GRAMD1B: variants seen among roughly 807,000 people sequenced by gnomAD.
GRAMD1B encodes the protein GRAM domain containing 1B.
Under a neutral mutation model 99.7 loss-of-function variants are expected in GRAMD1B, and 37 were observed. The observed-to-expected ratio is 0.37, with a 90% CI of 0.29 to 0.49. The LOEUF (loss-of-function observed/expected upper bound fraction) is 0.49, where lower values mean the gene tolerates loss of function less well. GRAMD1B is among the 20% of genes least tolerant of loss of function. The pLI is 0.98. For missense variants in GRAMD1B, 888 were observed against 1,009.2 expected, an observed-to-expected ratio of 0.88 and a Z score of 1.63; for synonymous variants, 427 against 387.6, an observed-to-expected ratio of 1.10 and a Z score of -1.19.
chr11:123,362,162 G>A (rs1946166613), intron 1 of GRAMD1B, among the ~76,000 whole-genome samples: 1 of 152,204 alleles, frequency 6.6e-6, no homozygotes, highest in Admixed American at 6.5e-5. Context: ...TCCACAGTAG[G>A]GGAGAGGAAT....
At chr11:123,526,850 T>C (rs1942821918) in intron 2 of GRAMD1B, among the ~76,000 whole-genome samples, 1 of 151,340 alleles carries the variant, frequency 6.6e-6, no homozygotes, top group Non-Finnish European at 1.5e-5. Context: ...GTAGTCAGAA[T>C]ATTTTTACCT....
chr11:123,475,722 G>A (rs906130994), intron 1 of GRAMD1B, among the ~76,000 whole-genome samples: 2 of 152,152 alleles, frequency 1.3e-5, no homozygotes, highest in African/African-American at 4.8e-5. Context: ...CCCTCTGCTG[G>A]ACTTTCTCCA....
At chr11:123,399,071 T>C (rs1219110240) in intron 1 of GRAMD1B, among the ~76,000 whole-genome samples, 1 of 152,236 alleles carries the variant, frequency 6.6e-6, no homozygotes, top group Non-Finnish European at 1.5e-5. Context: ...TTTGTACACC[T>C]TGACTTATAC....
chr11:123,423,527 C>T (rs567543381), intron 1 of GRAMD1B, among the ~76,000 whole-genome samples: 2 of 152,298 alleles, frequency 1.3e-5, no homozygotes, highest in African/African-American at 2.4e-5. Flanking sequence ...TCTAATCTTG[C>T]AGCTTCCATT....
chr11:123,529,277 T>C (rs1943112900), intron 2 of GRAMD1B, among the ~76,000 whole-genome samples: 1 of 152,156 alleles, frequency 6.6e-6, no homozygotes, highest in Non-Finnish European at 1.5e-5. Flanking sequence ...AGGAGTCTTA[T>C]TGGAGTAATT....
intron 2 of GRAMD1B, among the ~76,000 whole-genome samples, chr11:123,483,242 G>A (rs1310670037): frequency 6.6e-6 from 1 of 152,106 alleles, no homozygotes; most frequent in East Asian, 1.9e-4. Flanking sequence ...ACTAACGGGT[G>A]GGGCATGTAT....
intron 1 of GRAMD1B, chr11:123,435,371 TTTTCATTATTTG>T (rs989712284): frequency 1.4e-5 from 10 of 695,000 alleles, no homozygotes; most frequent in African/African-American, 3.5e-5. Flanking sequence ...AATTTTTGTT[TTTTCATTATTTG>T]TTTCATTATT....
chr11:123,368,476 T>C (rs1292243001), intron 1 of GRAMD1B, among the ~76,000 whole-genome samples: 1 of 147,960 alleles, frequency 6.8e-6, no homozygotes, highest in South Asian at 2.1e-4. Flanking sequence ...AGGCCAGGAG[T>C]TTGAGACCAG....
chr11:123,515,693 C>T (rs1420930654), intron 2 of GRAMD1B, among the ~76,000 whole-genome samples: 1 of 152,140 alleles, frequency 6.6e-6, no homozygotes, highest in Non-Finnish European at 1.5e-5. Flanking sequence ...AAACATAGAA[C>T]TACCACCACT....
chr11:123,620,857 A>G (rs1464119109), intron 19 of GRAMD1B, among the ~76,000 whole-genome samples: 1 of 152,246 alleles, frequency 6.6e-6, no homozygotes, highest in Non-Finnish European at 1.5e-5. Flanking sequence ...GGAACAGGCT[A>G]CTGTAGGGAA....
chr11:123,608,556 G>T, intron 11 of GRAMD1B, 103 bp from the exon 12 acceptor site: 1 of 1,547,522 alleles, frequency 6.5e-7, no homozygotes, highest in Non-Finnish European at 8.7e-7. Flanking sequence ...CTTGTTGACT[G>T]TGCTCATATT....
At chr11:123,552,273 C>CTTTTTTTTTTTTTTTTTTTTTT (rs71060514) in intron 2 of GRAMD1B, among the ~76,000 whole-genome samples, 6 of 119,368 alleles carry the variant, frequency 5.0e-5, no homozygotes, top group Non-Finnish European at 8.4e-5. Flanking sequence ...CTCTTTCTTT[C>CTTTTTTTTTTTTTTTTTTTTTT]TTTTTTTTTT....
At chr11:123,408,801 G>A (rs1947941837) in intron 1 of GRAMD1B, among the ~76,000 whole-genome samples, 1 of 152,228 alleles carries the variant, frequency 6.6e-6, no homozygotes, top group Admixed American at 6.5e-5. Context: ...ATTCATGCAG[G>A]ATAACTCTGC....
chr11:123,428,325 T>C (rs1948725676), upstream of GRAMD1B, among the ~76,000 whole-genome samples: 1 of 152,210 alleles, frequency 6.6e-6, no homozygotes, highest in Non-Finnish European at 1.5e-5. Flanking sequence ...TCAGCATCCC[T>C]GGAGCCGGAA....
intron 2 of GRAMD1B, among the ~76,000 whole-genome samples, chr11:123,565,201 TC>T (rs1343511263): frequency 6.9e-6 from 1 of 144,640 alleles, no homozygotes; most frequent in South Asian, 2.2e-4. Flanking sequence ...CCTGGCTAAT[TC>T]TTTTTTTTTT....
At chr11:123,467,841 C>T (rs113402809) in intron 1 of GRAMD1B, among the ~76,000 whole-genome samples, 13,669 of 108,540 alleles carry the variant, frequency 0.13, 1,521 homozygotes, top group African/African-American at 0.31. Flanking sequence ...CTCCCTCCCT[C>T]CCTTCCTTCC....
intron 1 of GRAMD1B, among the ~76,000 whole-genome samples, chr11:123,479,896 A>G (rs115988551): frequency 0.032 from 4,923 of 152,248 alleles, 236 homozygotes; most frequent in African/African-American, 0.1. Flanking sequence ...TCTTCCAACC[A>G]CTAAAAAGTA....
At chr11:123,368,146 TG>T (rs1171624111) in intron 1 of GRAMD1B, among the ~76,000 whole-genome samples, 1 of 149,516 alleles carries the variant, frequency 6.7e-6, no homozygotes. Flanking sequence ...CCCAGCTGCT[TG>T]GGAAGCTGAG....
intron 1 of GRAMD1B, among the ~76,000 whole-genome samples, chr11:123,375,315 T>G (rs1370390399): frequency 6.6e-6 from 1 of 152,094 alleles, no homozygotes; most frequent in Non-Finnish European, 1.5e-5. Flanking sequence ...TCCCAGCTAC[T>G]CAGGAGGCTG....
Sources: gnomAD v4.1 joint callset for allele counts (sites outside exome capture counted in the v4.1 genomes callset) on GRCh38, gnomAD v4.1.1 for gene constraint, MANE v1.5 for transcripts, NCBI Gene and HGNC (gene_info 2026-07-23, HGNC 2026-07-21) for gene names.